The following KCNH8 variants were observed in gnomAD, a reference collection of about 807,000 sequenced individuals.
KCNH8 encodes potassium voltage-gated channel subfamily H member 8.
KCNH8 carries 70 observed loss-of-function variants against 103.6 expected under a neutral mutation model. The ratio of observed to expected loss-of-function variants is 0.68; its 90% CI spans 0.56 to 0.82. The LOEUF is 0.82. KCNH8 is among the 40% of genes least tolerant of loss of function. The pLI, the probability that KCNH8 is intolerant of heterozygous loss-of-function variation, is 0.00. For missense variants in KCNH8, 1,217 were observed against 1,329.9 expected (o/e 0.92, Z 1.32); for synonymous variants, 498 against 489.4 (o/e 1.02, Z -0.23).
At chr3:19,528,015 G>A (rs1053672211) in intron 15 of KCNH8, among the ~76,000 whole-genome samples, 1 of 151,956 alleles carries the variant, frequency 6.6e-6, no homozygotes, top group African/African-American at 2.4e-5. Flanking sequence ...TGCAGATGGT[G>A]ATGATAAACT....
chr3:19,499,785 G>C (rs915231976), intron 11 of KCNH8, among the ~76,000 whole-genome samples: 4 of 152,116 alleles, frequency 2.6e-5, no homozygotes, highest in African/African-American at 9.7e-5. Context: ...AGCTCCTGAA[G>C]GAAGCGCTAA....
At chr3:19,487,777 G>A (rs1280521361) in intron 11 of KCNH8, among the ~76,000 whole-genome samples, 2 of 152,190 alleles carry the variant, frequency 1.3e-5, no homozygotes, top group Admixed American at 6.5e-5. Flanking sequence ...TTGTAAAGGA[G>A]ATGGTGGCTC....
intron 11 of KCNH8, among the ~76,000 whole-genome samples, chr3:19,457,554 A>G (rs1282429647): frequency 6.6e-6 from 1 of 152,034 alleles, no homozygotes; most frequent in Non-Finnish European, 1.5e-5. Flanking sequence ...TCCTGTCAAA[A>G]TATGTACTAT....
chr3:19,383,397 ACTGGAATCTCACTCTGTCTCCCAGG>A (rs1437750884), intron 5 of KCNH8, among the ~76,000 whole-genome samples: 1 of 148,442 alleles, frequency 6.7e-6, no homozygotes, highest in Non-Finnish European at 1.5e-5. Flanking sequence ...TTTTTTTGAG[ACTGGAATCTCACTCTGTCTCCCAGG>A]CTGGAGTGCA....
rs183930542 is a variant in KCNH8 at position 19,274,019 on chromosome 3, G to T, written c.311-7179G>T. On this transcript the variant is annotated intron_variant, in intron 2 of 15. Coordinates refer to ENST00000328405, the MANE Select transcript of KCNH8 (RefSeq NM_144633.3). The stretch of plus-strand genomic sequence containing the variant: ...TTTTTTAGAGCATGTATATAATCGT[G>T]TCCTATAGTATGTGTAGAAAGGAGA... Among the ~76,000 whole-genome samples the T allele has an allele frequency of 2.6e-5, 4 of 152,130 alleles. No homozygotes were observed. In the East Asian group the frequency reaches 7.8e-4, roughly 30 times the overall value.
chr3:19,397,176 C>T (rs374409942), intron 7 of KCNH8, among the ~76,000 whole-genome samples: 8 of 151,842 alleles, frequency 5.3e-5, no homozygotes, highest in East Asian at 3.9e-4. Context: ...TACCCCCTTA[C>T]TTGTATTCTT....
At chr3:19,461,542 G>A (rs769841465) in intron 11 of KCNH8, among the ~76,000 whole-genome samples, 1 of 152,144 alleles carries the variant, frequency 6.6e-6, no homozygotes, top group Non-Finnish European at 1.5e-5. Context: ...TAAAGGCTTT[G>A]TGGAAATTTA....
At chr3:19,265,246 G>A (rs570973492) in intron 2 of KCNH8, among the ~76,000 whole-genome samples, 1 of 152,176 alleles carries the variant, frequency 6.6e-6, no homozygotes, top group East Asian at 1.9e-4. Flanking sequence ...GGTGTCTTAT[G>A]AAGGGCCAAA....
intron 8 of KCNH8, among the ~76,000 whole-genome samples, chr3:19,440,563 C>G (rs1354664596): frequency 6.6e-6 from 1 of 152,098 alleles, no homozygotes; most frequent in Non-Finnish European, 1.5e-5. Flanking sequence ...TATTTACTAT[C>G]AGGAGAACAG....
chr3:19,382,762 C>T (rs373193755), intron 5 of KCNH8, among the ~76,000 whole-genome samples: 1 of 152,076 alleles, frequency 6.6e-6, no homozygotes, highest in East Asian at 1.9e-4. Context: ...CCCCTCTGCT[C>T]TATGGCTTTA....
At chr3:19,154,706 T>A (rs749381590) in intron 1 of KCNH8, among the ~76,000 whole-genome samples, 4 of 152,256 alleles carry the variant, frequency 2.6e-5, no homozygotes, top group Non-Finnish European at 4.4e-5. Flanking sequence ...ACCACACAGC[T>A]GACTACTCTT....
chr3:19,275,106 A>G (rs930318399), intron 2 of KCNH8, among the ~76,000 whole-genome samples: 2 of 151,226 alleles, frequency 1.3e-5, no homozygotes, highest in African/African-American at 4.9e-5. Flanking sequence ...ACAGAATCCT[A>G]CTATATATTT....
At chr3:19,419,264 A>C (rs1224681671) in intron 7 of KCNH8, among the ~76,000 whole-genome samples, 2 of 136,718 alleles carry the variant, frequency 1.5e-5, no homozygotes, top group Non-Finnish European at 3.0e-5. Flanking sequence ...CAGTGGCGCG[A>C]TCTCGGCTCA....
intron 11 of KCNH8, among the ~76,000 whole-genome samples, chr3:19,486,763 A>C (rs1393075678): frequency 6.6e-6 from 1 of 152,124 alleles, no homozygotes; most frequent in African/African-American, 2.4e-5. Context: ...CTAGTACTGC[A>C]AAGTTTGGAA....
Position 19,253,865 on chromosome 3 carries a change from A to G in KCNH8, c.288A>G (p.Glu96=), listed in dbSNP as rs1021373193. The change falls in exon 2 of 16, where the codon GAA becomes GAG. Residue 96 remains glutamate (E), a synonymous_variant. Coordinates refer to ENST00000328405, the MANE Select transcript of KCNH8 (RefSeq NM_144633.3). ...SLEEKTEFKG[E]IMFYKKNGSP... is the part of the protein sequence containing the mutation. ...AGGAGAAAACAGAATTCAAAGGAGAAATTATGTTCTACAAGAAAAACGGTG... is the reference window on the plus strand; with the variant it reads ...AGGAGAAAACAGAATTCAAAGGAGAGATTATGTTCTACAAGAAAAACGGTG... 4.3e-6 allele frequency: 7 copies of G among 1,612,942 alleles called. No individual in the cohort carries two copies. The highest frequency in any genetic ancestry group is 5.9e-6 in the Non-Finnish European group (7 of 1,179,218).
intron 5 of KCNH8, among the ~76,000 whole-genome samples, chr3:19,377,682 TTGAC>T (rs1368495707): frequency 1.3e-5 from 2 of 152,162 alleles, no homozygotes; most frequent in East Asian, 3.8e-4. Context: ...TGATCAACAT[TTGAC>T]TGGGCATTGA....
rs908523449 is a variant in KCNH8 at position 19,359,688 on chromosome 3, G to T, written c.811+11723G>T. Among the ~76,000 whole-genome samples the T allele has an allele frequency of 3.4e-4, 52 of 151,934 alleles. 1 individual carries two copies. Among genetic ancestry groups the T allele is most frequent in the African/African-American group, 1.2e-3 (50 of 41,390 alleles). ...GTGACAATCAAAATTGCCTCTAGAT[G>T]TTGCCAATTTATGCATTTATTATAA... On this transcript the variant is annotated intron_variant, in intron 5 of 15. Transcript: ENST00000328405.
chr3:19,183,789 G>A (rs113958892), intron 1 of KCNH8, among the ~76,000 whole-genome samples: 2,762 of 152,142 alleles, frequency 0.018, 81 homozygotes, highest in African/African-American at 0.062. Flanking sequence ...ATGGACCAAC[G>A]CAATTCACAG....
chr3:19,476,710 TAGTC>T (rs1192244220), intron 11 of KCNH8, among the ~76,000 whole-genome samples: 3 of 152,182 alleles, frequency 2.0e-5, no homozygotes, highest in Non-Finnish European at 4.4e-5. Flanking sequence ...GAGAGATTTG[TAGTC>T]AGTTTTCTTC....
Sources: allele counts gnomAD v4.1 joint callset (sites outside exome capture counted in the v4.1 genomes callset), GRCh38; gene constraint gnomAD v4.1.1; transcripts MANE v1.5; gene names NCBI Gene and HGNC (gene_info 2026-07-23, HGNC 2026-07-21).